Variants in MXD1 observed in about 807,000 individuals in gnomAD.
MXD1 encodes MAX dimerization protein 1, also known as MAX-binding protein.
A neutral mutation model predicts 25.7 loss-of-function variants in MXD1; 9 were observed. The ratio of observed to expected loss-of-function variants is 0.35; its 90% CI spans 0.21 to 0.61. The LOEUF is 0.61. Among genes scored for constraint, MXD1 ranks in the 20% least tolerant of loss-of-function variants. The probability of loss-of-function intolerance (pLI) is 0.75; values close to 1 mark genes in which losing one functional copy is unlikely to be tolerated. For synonymous variants in MXD1, 99 were observed against 113.9 expected (o/e 0.87, Z 0.83); for missense variants, 227 against 292.4 (o/e 0.78, Z 1.63).
At chr2:69,923,403 A>G (rs1677109135) in intron 3 of MXD1, among the ~76,000 whole-genome samples, 1 of 152,200 alleles carries the variant, frequency 6.6e-6, no homozygotes, top group African/African-American at 2.4e-5. Context: ...ATGTGTAATG[A>G]TGGCTCTATA....
At chr2:69,918,241 T>C (rs1313783481) in intron 2 of MXD1, among the ~76,000 whole-genome samples, 1 of 152,222 alleles carries the variant, frequency 6.6e-6, no homozygotes, top group East Asian at 1.9e-4. Flanking sequence ...AGTTTATTCT[T>C]GTTCTTACAG....
chr2:69,937,177 C>T, intron 4 of MXD1, 58 bp from the exon 5 acceptor site: 1 of 1,600,720 alleles, frequency 6.2e-7, no homozygotes, highest in Non-Finnish European at 8.6e-7. Context: ...GATGCGGGGG[C>T]CATTGCCCAT....
At chr2:69,926,575 T>C (rs566623026) in intron 3 of MXD1, among the ~76,000 whole-genome samples, 1 of 152,352 alleles carries the variant, frequency 6.6e-6, no homozygotes, top group South Asian at 2.1e-4. Context: ...CAAAGTTTTG[T>C]AGCAAAGTTT....
rs1355066042 is a variant in MXD1 at position 69,940,735 on chromosome 2, T to G, written c.*2451T>G. 2.0e-5 allele frequency: 3 copies of G among 152,674 alleles called. No homozygotes were observed. The highest frequency in any genetic ancestry group is 7.2e-5 in the African/African-American group (3 of 41,460). 9.5% of individuals were successfully genotyped at this position (152,674 alleles called of 1,614,324 possible). ...TATTTTTAATGCACTTGTGATAAAC[T>G]GGCAGCAGGGTTAGACATTACTTTC... On this transcript the variant is annotated 3_prime_UTR_variant, in exon 6 of 6. Coordinates refer to ENST00000264444, the MANE Select transcript of MXD1 (RefSeq NM_002357.4).
intron 5 of MXD1, 33 bp from the exon 6 acceptor site, chr2:69,938,064 C>T: frequency 6.2e-7 from 1 of 1,603,460 alleles, no homozygotes; most frequent in Non-Finnish European, 8.5e-7. Flanking sequence ...AGAGCGCTTT[C>T]ATCAATGTCC....
At chr2:69,926,710 T>G (rs183023162) in intron 3 of MXD1, among the ~76,000 whole-genome samples, 23 of 152,354 alleles carry the variant, frequency 1.5e-4, no homozygotes, top group Non-Finnish European at 2.8e-4. Context: ...TATTTGAATC[T>G]TTTGTTGTTA....
Position 69,915,229 on chromosome 2 carries a change from G to C in MXD1, c.-102G>C. ...CCCTGCTCCGCGGGGTCCACAGCGG[G>C]CTCCACAGCGGGCTCCATAGCGGGC... On this transcript the variant is annotated 5_prime_UTR_variant, in exon 1 of 6. Coordinates refer to ENST00000264444, the MANE Select transcript of MXD1 (RefSeq NM_002357.4). The surrounding 1 kb of genome is among the most constrained non-coding windows in gnomAD (Gnocchi z 5.8). 9.3e-7 allele frequency: 1 copy of C among 1,069,900 alleles called. No homozygotes were observed. Among genetic ancestry groups the C allele is most frequent in the Non-Finnish European group, 1.2e-6 (1 of 819,200 alleles). The allele number at this position is 1,069,900 out of a possible 1,614,324, so 66.3% of individuals were successfully genotyped here. A position where few individuals can be genotyped will look rare whatever the true frequency, so the allele number is the denominator to read the frequency against.
rs1177295537 is a variant in MXD1 at position 69,935,363 on chromosome 2, T to C, written c.216T>C (p.Leu72=). 2 of 1,613,820 alleles carry C rather than the reference T, an allele frequency of 1.2e-6. No individual in the cohort carries two copies. Among genetic ancestry groups the C allele is most frequent in the African/African-American group, 1.3e-5 (1 of 75,050 alleles). Residue 72 remains leucine (L), a synonymous_variant, in exon 4 of 6, where the codon CTT becomes CTC. Transcript: ENST00000264444. ...CTTGTTTTCATAGACGGGCTCATCT[T>C]CGCTTGTGCCTGGAGAAGTTGAAGG... ...NEMEKNRRAH[L]RLCLEKLKGL... is the part of the protein sequence containing the mutation.
intron 3 of MXD1, among the ~76,000 whole-genome samples, chr2:69,933,200 C>CAAA (rs59201689): frequency 2.9e-4 from 23 of 80,126 alleles, no homozygotes; most frequent in East Asian, 7.2e-4. Flanking sequence ...AACTCTGTCT[C>CAAA]AAAAAAAAAA....
intron 3 of MXD1, among the ~76,000 whole-genome samples, chr2:69,935,117 A>G (rs1368416724): frequency 2.0e-5 from 3 of 152,208 alleles, no homozygotes; most frequent in Non-Finnish European, 4.4e-5. Context: ...ATTATTCCCT[A>G]CCCCAGCACT....
At chr2:69,931,341 C>A (rs1398077075) in intron 3 of MXD1, among the ~76,000 whole-genome samples, 1 of 152,070 alleles carries the variant, frequency 6.6e-6, no homozygotes, top group Admixed American at 6.6e-5. Flanking sequence ...GCTACCTTTC[C>A]CAGCCTCTGG....
intron 5 of MXD1, among the ~76,000 whole-genome samples, 185 bp downstream of exon 5, chr2:69,937,579 C>G (rs940868632): frequency 1.3e-5 from 2 of 152,112 alleles, no homozygotes; most frequent in Non-Finnish European, 2.9e-5. Context: ...GGTGACAACC[C>G]CAGAAGAGTT....
chr2:69,921,256 T>C (rs1183822636), intron 2 of MXD1, among the ~76,000 whole-genome samples: 1 of 152,172 alleles, frequency 6.6e-6, no homozygotes, highest in Non-Finnish European at 1.5e-5. Context: ...GTCAGAAGTT[T>C]GGGGAAGGGG....
intron 3 of MXD1, among the ~76,000 whole-genome samples, chr2:69,926,792 C>T (rs192937983): frequency 6.6e-6 from 1 of 152,198 alleles, no homozygotes; most frequent in Non-Finnish European, 1.5e-5. Flanking sequence ...TAAAACAAAG[C>T]CTTTCAATGA....
rs901932107 is a variant in MXD1 at position 69,917,041 on chromosome 2, A to G, written c.173+821A>G. Among the ~76,000 whole-genome samples, 5 of 152,324 alleles carry G rather than the reference A, an allele frequency of 3.3e-5. No homozygotes were observed. The East Asian group carries it at 9.6e-4, about 29-fold the overall frequency. On this transcript the variant is annotated intron_variant, in intron 2 of 5. Coordinates refer to ENST00000264444, the MANE Select transcript of MXD1 (RefSeq NM_002357.4). ...TTTGTTCTATTAGATCCCTTCAACT[A>G]TACCTTTCCTGCCAGTAAATTAAAA...
chr2:69,929,071 G>A (rs1677225029), intron 3 of MXD1, among the ~76,000 whole-genome samples: 1 of 152,038 alleles, frequency 6.6e-6, no homozygotes, highest in African/African-American at 2.4e-5. Flanking sequence ...TTTTTGTATT[G>A]TTAGTAGAGA....
At chr2:69,928,259 G>A (rs909545759) in intron 3 of MXD1, among the ~76,000 whole-genome samples, 4 of 152,254 alleles carry the variant, frequency 2.6e-5, no homozygotes, top group African/African-American at 9.6e-5. Flanking sequence ...GTGATAAAAT[G>A]GTGAAACCTC....
At chr2:69,925,111 C>T (rs1018198914) in intron 3 of MXD1, among the ~76,000 whole-genome samples, 4 of 152,100 alleles carry the variant, frequency 2.6e-5, no homozygotes, top group South Asian at 2.1e-4. Flanking sequence ...GTAAAGACTA[C>T]GCACTGCTGT....
Position 69,938,491 on chromosome 2 carries a change from A to G in MXD1, c.*207A>G, listed in dbSNP as rs1275058334. ...AGCTTCTCTTTTTCTCGCCATAAAA[A>G]TTTGTCTCTGAGAGACTATACATTC... is the stretch of plus-strand genomic sequence containing the variant. On this transcript the variant is annotated 3_prime_UTR_variant, in exon 6 of 6. Coordinates refer to ENST00000264444, the MANE Select transcript of MXD1 (RefSeq NM_002357.4). 1.8e-6 allele frequency: 1 copy of G among 561,710 alleles called. No homozygotes were observed. The highest frequency in any genetic ancestry group is 1.9e-5 in the African/African-American group (1 of 53,004). 34.8% of individuals were successfully genotyped at this position (561,710 alleles called of 1,614,324 possible). A position where few individuals can be genotyped will look rare whatever the true frequency, so the allele number is the denominator to read the frequency against.
Sources: allele counts gnomAD v4.1 joint callset (sites outside exome capture counted in the v4.1 genomes callset), GRCh38; gene constraint gnomAD v4.1.1; non-coding constraint Gnocchi (gnomAD v3.1); transcripts MANE v1.5; gene names NCBI Gene and HGNC (gene_info 2026-07-23, HGNC 2026-07-21).